Variants in NCAM2 observed in about 807,000 individuals in gnomAD.
NCAM2 encodes the protein N-CAM-2.
A neutral mutation model predicts 98.1 loss-of-function variants in NCAM2; 30 were observed. That is an observed-to-expected ratio of 0.31 (90% CI 0.23 to 0.41). The LOEUF is 0.41. Ranked by LOEUF, NCAM2 falls within the 10% of genes least tolerant of loss-of-function variation. The probability of loss-of-function intolerance (pLI) is 1.00; values close to 1 mark genes in which losing one functional copy is unlikely to be tolerated. For missense variants in NCAM2, 867 were observed against 1,005.8 expected (o/e 0.86, Z 1.87); for synonymous variants, 368 against 342.4 (o/e 1.07, Z -0.83).
At chr21:21,227,166 AATAAGT>A (rs2070419233) in intron 1 of NCAM2, among the ~76,000 whole-genome samples, 1 of 151,860 alleles carries the variant, frequency 6.6e-6, no homozygotes, top group African/African-American at 2.4e-5. Context: ...GTGAAAAAAT[AATAAGT>A]AAAGAATTTA....
At chr21:21,409,237 G>A (rs942176644) in intron 9 of NCAM2, among the ~76,000 whole-genome samples, 4 of 152,126 alleles carry the variant, frequency 2.6e-5, no homozygotes, top group Non-Finnish European at 4.4e-5. Context: ...GGTGGAGGAA[G>A]AGTGAAAACA....
chr21:21,523,894 CAAATA>C (rs1346075546), intron 16 of NCAM2, among the ~76,000 whole-genome samples: 3 of 127,726 alleles, frequency 2.3e-5, no homozygotes, highest in African/African-American at 6.1e-5. Flanking sequence ...ATAAGGGCAA[CAAATA>C]AAATAGTTAC....
chr21:21,181,479 T>G (rs1344753185), intron 1 of NCAM2, among the ~76,000 whole-genome samples: 1 of 152,206 alleles, frequency 6.6e-6, no homozygotes, highest in Non-Finnish European at 1.5e-5. Flanking sequence ...AAAACCTTGT[T>G]GCATGCTTGT....
chr21:21,222,275 A>G (rs553766597), intron 1 of NCAM2, among the ~76,000 whole-genome samples: 7 of 152,316 alleles, frequency 4.6e-5, no homozygotes, highest in African/African-American at 9.6e-5. Flanking sequence ...CATCCATTCT[A>G]CAGTTCATGG....
chr21:21,128,746 G>A (rs931127789), intron 1 of NCAM2, among the ~76,000 whole-genome samples: 1 of 152,052 alleles, frequency 6.6e-6, no homozygotes, highest in Non-Finnish European at 1.5e-5. Flanking sequence ...CATATGTGAA[G>A]AGTTAAGAAA....
chr21:21,358,414 T>C (rs544163201), intron 8 of NCAM2, among the ~76,000 whole-genome samples: 28 of 152,082 alleles, frequency 1.8e-4, no homozygotes, highest in Admixed American at 1.3e-3. Flanking sequence ...GGTTCTTGTG[T>C]ATATGCCCTA....
chr21:21,441,888 G>A (rs1483777989), intron 12 of NCAM2, among the ~76,000 whole-genome samples: 1 of 152,116 alleles, frequency 6.6e-6, no homozygotes. Flanking sequence ...AGAAAGATAC[G>A]AGGCTAGGCA....
At chr21:21,514,391 A>C (rs972523979) in intron 16 of NCAM2, among the ~76,000 whole-genome samples, 2 of 149,318 alleles carry the variant, frequency 1.3e-5, no homozygotes, top group South Asian at 4.2e-4. Context: ...CAGGAGAATC[A>C]CTTGAACCTC....
chr21:21,461,775 G>A (rs1983009825), intron 12 of NCAM2, among the ~76,000 whole-genome samples: 1 of 151,806 alleles, frequency 6.6e-6, no homozygotes, highest in Non-Finnish European at 1.5e-5. Context: ...TATAATTTGT[G>A]CAAAAATGTA....
intron 5 of NCAM2, among the ~76,000 whole-genome samples, chr21:21,317,488 A>G (rs928389485): frequency 6.6e-6 from 1 of 152,098 alleles, no homozygotes; most frequent in African/African-American, 2.4e-5. Context: ...AATATACATC[A>G]TGACTTTTAT....
chr21:21,148,156 T>C (rs2067342561), intron 1 of NCAM2, among the ~76,000 whole-genome samples: 1 of 152,146 alleles, frequency 6.6e-6, no homozygotes, highest in Non-Finnish European at 1.5e-5. Flanking sequence ...CCAATTCAAA[T>C]GCTAATCTTT....
intron 1 of NCAM2, among the ~76,000 whole-genome samples, chr21:21,150,539 T>G (rs2067416827): frequency 6.6e-6 from 1 of 152,100 alleles, no homozygotes; most frequent in Admixed American, 6.5e-5. Flanking sequence ...TGCTATTTTA[T>G]TATTAATTGA....
At chr21:21,345,127 A>G (rs943014422) in intron 8 of NCAM2, among the ~76,000 whole-genome samples, 3 of 152,206 alleles carry the variant, frequency 2.0e-5, no homozygotes, top group East Asian at 1.9e-4. Context: ...GGTTTTTCAA[A>G]TATCTGGAAA....
intron 16 of NCAM2, among the ~76,000 whole-genome samples, chr21:21,530,752 CACTTTAG>C (rs1161259112): frequency 6.6e-6 from 1 of 151,762 alleles, no homozygotes; most frequent in Admixed American, 6.6e-5. Flanking sequence ...TTTATTGTTA[CACTTTAG>C]AAGAAACTTT....
chr21:21,341,134 A>T (rs1393867376), intron 8 of NCAM2, among the ~76,000 whole-genome samples: 1 of 152,160 alleles, frequency 6.6e-6, no homozygotes, highest in Non-Finnish European at 1.5e-5. Flanking sequence ...AGAATGGTCA[A>T]GTCACGCTTG....
At chr21:21,455,210 C>G (rs868055625) in intron 12 of NCAM2, among the ~76,000 whole-genome samples, 1 of 95,460 alleles carries the variant, frequency 1.0e-5, no homozygotes, top group African/African-American at 3.9e-5. Flanking sequence ...AACCTATTGG[C>G]AAAAAAAAAA....
At chr21:21,470,026 C>T (rs1032764230) in intron 14 of NCAM2, among the ~76,000 whole-genome samples, 8 of 152,146 alleles carry the variant, frequency 5.3e-5, no homozygotes, top group African/African-American at 1.9e-4. Flanking sequence ...GTACAAAATA[C>T]TGGGGGATAG....
At chr21:21,267,350 TA>T (rs935755496) in intron 1 of NCAM2, among the ~76,000 whole-genome samples, 58 of 152,260 alleles carry the variant, frequency 3.8e-4, no homozygotes, top group African/African-American at 1.3e-3. Flanking sequence ...TTTATAAGAA[TA>T]AAACTTTAAA....
chr21:21,440,498 A>G (rs1184204852), intron 12 of NCAM2, among the ~76,000 whole-genome samples: 4 of 152,042 alleles, frequency 2.6e-5, no homozygotes, highest in African/African-American at 7.2e-5. Context: ...CCTGGGCAAC[A>G]TGGCGAAACC....
Sources: allele counts gnomAD v4.1 joint callset (sites outside exome capture counted in the v4.1 genomes callset), GRCh38; gene constraint gnomAD v4.1.1; transcripts MANE v1.5; gene names NCBI Gene and HGNC (gene_info 2026-07-23, HGNC 2026-07-21).